CSMD3: variants seen among roughly 807,000 people sequenced by gnomAD.
CSMD3 encodes the protein CUB and sushi domain-containing protein 3.
In CSMD3, 177 loss-of-function variants were observed where a neutral mutation model predicts 435.2. The ratio of observed to expected loss-of-function variants is 0.41; its 90% CI spans 0.36 to 0.46. The LOEUF (loss-of-function observed/expected upper bound fraction) is 0.46. Among genes scored for constraint, CSMD3 ranks in the 20% least tolerant of loss-of-function variants. The pLI, the probability that CSMD3 is intolerant of heterozygous loss-of-function variation, is 0.34. For missense variants in CSMD3, 4,265 were observed against 4,504.6 expected, an observed-to-expected ratio of 0.95 and a Z score of 1.52; for synonymous variants, 1,656 against 1,520.5, an observed-to-expected ratio of 1.09 and a Z score of -2.07.
rs370700300 is a variant in CSMD3 at position 112,509,197 on chromosome 8, C to G, written c.4757-2368G>C. Among the ~76,000 whole-genome samples, 146 of 152,018 alleles carry G rather than the reference C, an allele frequency of 9.6e-4. 2 individuals carry two copies. The East Asian group carries it at 0.025, about 26-fold the overall frequency. On this transcript the variant is annotated intron_variant, in intron 28 of 70. Transcript: ENST00000297405. ...CTTGACCTCCCAGGCTCAGGTGATC[C>G]TCCCACCTCAGCCTCCCCAGTAACT...
At chr8:113,411,501 A>G (rs1239208610) in intron 1 of CSMD3, among the ~76,000 whole-genome samples, 2 of 152,186 alleles carry the variant, frequency 1.3e-5, no homozygotes, top group Non-Finnish European at 2.9e-5. Flanking sequence ...ATATTATTAC[A>G]TGTATTCATT....
At chr8:113,143,844 C>T (rs2091608570) in intron 4 of CSMD3, among the ~76,000 whole-genome samples, 1 of 151,218 alleles carries the variant, frequency 6.6e-6, no homozygotes, top group Non-Finnish European at 1.5e-5. Flanking sequence ...ATAAAATATC[C>T]TATGGTGATG....
At chr8:112,310,669 T>G (rs1373777367) in intron 50 of CSMD3, 1 of 416,840 alleles carries the variant, frequency 2.4e-6, no homozygotes, top group Non-Finnish European at 4.5e-6. Flanking sequence ...TAACTCAGTC[T>G]TCCTCTCTTT....
chr8:112,285,378 T>C (rs1028944472), intron 58 of CSMD3, among the ~76,000 whole-genome samples: 4 of 152,118 alleles, frequency 2.6e-5, no homozygotes, highest in Admixed American at 6.6e-5. Context: ...GTTTTCCAAG[T>C]CTTTTCCCTA....
At chr8:113,009,296 G>A (rs1264134803) in intron 6 of CSMD3, among the ~76,000 whole-genome samples, 2 of 151,768 alleles carry the variant, frequency 1.3e-5, no homozygotes, top group Non-Finnish European at 2.9e-5. Flanking sequence ...AGTAGATTCA[G>A]TACAAGAATT....
rs145936509 is a variant in CSMD3 at position 112,813,373 on chromosome 8, G to A, written c.1860-13099C>T. Among the ~76,000 whole-genome samples, 96 of 152,216 alleles carry A rather than the reference G, an allele frequency of 6.3e-4. 1 individual carries two copies. The East Asian group carries it at 0.017, about 26-fold the overall frequency. On this transcript the variant is annotated intron_variant, in intron 12 of 70. Coordinates refer to ENST00000297405, the MANE Select transcript of CSMD3 (RefSeq NM_198123.2). ...TATGTCTTAGATCTTGAGGAAAACC[G>A]GAATTGCAACTTAGGTTTTATCTAC...
chr8:112,685,357 A>G (rs1227194394), intron 15 of CSMD3, 49 bp downstream of exon 15: 1 of 1,497,088 alleles, frequency 6.7e-7, no homozygotes, highest in Non-Finnish European at 9.2e-7. Flanking sequence ...TTTCAACTCA[A>G]ATTTATAGAA....
intron 14 of CSMD3, among the ~76,000 whole-genome samples, chr8:112,686,136 G>C (rs564414656): frequency 6.6e-6 from 1 of 152,292 alleles, no homozygotes; most frequent in African/African-American, 2.4e-5. Flanking sequence ...CAAGAATCCG[G>C]TAGCTCAGAA....
intron 3 of CSMD3, among the ~76,000 whole-genome samples, chr8:113,208,867 C>T (rs2092801006): frequency 2.0e-5 from 3 of 151,500 alleles, no homozygotes; most frequent in Admixed American, 2.0e-4. Flanking sequence ...AGTTGATTTC[C>T]CTCTCTTTAA....
At chr8:112,731,170 A>AAT (rs1308739344) in intron 13 of CSMD3, among the ~76,000 whole-genome samples, 1 of 152,148 alleles carries the variant, frequency 6.6e-6, no homozygotes, top group African/African-American at 2.4e-5. Context: ...TAAGACTACC[A>AAT]CATCAATGTT....
intron 10 of CSMD3, among the ~76,000 whole-genome samples, chr8:112,879,574 C>T (rs550525317): frequency 6.6e-6 from 1 of 152,122 alleles, no homozygotes; most frequent in South Asian, 2.1e-4. Flanking sequence ...TTTTGAACTC[C>T]ATAATAAAAA....
At chr8:112,351,729 T>C (rs540633364) in intron 39 of CSMD3, among the ~76,000 whole-genome samples, 79 of 152,116 alleles carry the variant, frequency 5.2e-4, no homozygotes, top group African/African-American at 1.8e-3. Context: ...AGATTTATAA[T>C]TTTGTGATAC....
chr8:112,751,675 TCA>T (rs1279055479), intron 13 of CSMD3, among the ~76,000 whole-genome samples: 2 of 151,240 alleles, frequency 1.3e-5, no homozygotes, highest in Non-Finnish European at 3.0e-5. Context: ...CTCACCTGTT[TCA>T]CAAAGTCACA....
At chr8:112,905,323 C>T (rs5007198) in intron 10 of CSMD3, among the ~76,000 whole-genome samples, 70 of 64,468 alleles carry the variant, frequency 1.1e-3, no homozygotes, top group Middle Eastern at 0.016. Context: ...TATATATATA[C>T]ACACACACAC....
chr8:113,259,974 T>C (rs2093414055), intron 3 of CSMD3, among the ~76,000 whole-genome samples: 1 of 152,056 alleles, frequency 6.6e-6, no homozygotes, highest in Non-Finnish European at 1.5e-5. Flanking sequence ...TGATAGTAAG[T>C]TCTCACCAGA....
At chr8:112,441,703 G>T (rs950116492) in intron 32 of CSMD3, among the ~76,000 whole-genome samples, 1 of 152,172 alleles carries the variant, frequency 6.6e-6, no homozygotes, top group Admixed American at 6.5e-5. Flanking sequence ...AAGATAGTAA[G>T]AAGGAGAAGA....
At chr8:112,641,710 C>T (rs2074833663) in intron 20 of CSMD3, among the ~76,000 whole-genome samples, 1 of 151,978 alleles carries the variant, frequency 6.6e-6, no homozygotes, top group African/African-American at 2.4e-5. Flanking sequence ...TGGTGGCATA[C>T]ACCTGTAGTC....
intron 59 of CSMD3, among the ~76,000 whole-genome samples, chr8:112,274,413 A>G (rs1817834346): frequency 6.6e-6 from 1 of 152,134 alleles, no homozygotes; most frequent in Non-Finnish European, 1.5e-5. Context: ...TGAGTTGAGA[A>G]GATGGATCTG....
intron 4 of CSMD3, among the ~76,000 whole-genome samples, chr8:113,134,369 G>C (rs944171612): frequency 1.3e-5 from 2 of 151,918 alleles, no homozygotes; most frequent in African/African-American, 4.8e-5. Context: ...ATGACCCAAT[G>C]TTCTATATGT....
Sources: allele counts gnomAD v4.1 joint callset (sites outside exome capture counted in the v4.1 genomes callset), GRCh38; gene constraint gnomAD v4.1.1; transcripts MANE v1.5; gene names NCBI Gene and HGNC (gene_info 2026-07-23, HGNC 2026-07-21).